Variants in ARHGAP32 observed in about 807,000 individuals in gnomAD.
ARHGAP32 encodes the protein rho GTPase-activating protein 32.
A neutral mutation model predicts 186.5 loss-of-function variants in ARHGAP32; 51 were observed. The ratio of observed to expected loss-of-function variants is 0.27; its 90% CI spans 0.22 to 0.35. ARHGAP32 has a LOEUF of 0.35. Ranked by LOEUF, ARHGAP32 falls within the 10% of genes least tolerant of loss-of-function variation. The pLI is 1.00. For missense variants in ARHGAP32, 2,186 were observed against 2,623.5 expected, an observed-to-expected ratio of 0.83 and a Z score of 3.64; for synonymous variants, 950 against 964.3, an observed-to-expected ratio of 0.99 and a Z score of 0.27.
At chr11:128,980,409 A>G (rs2276027) in intron 18 of ARHGAP32, 144 bp downstream of exon 18, 165,236 of 561,186 alleles carry the variant, frequency 0.29, 25,815 homozygotes, top group Middle Eastern at 0.38. Flanking sequence ...AGTATCATCC[A>G]TATTCGAATA....
At chr11:129,060,367 AGATAGATAGATAGAT>A (rs1394189877) in intron 10 of ARHGAP32, among the ~76,000 whole-genome samples, 3 of 146,282 alleles carry the variant, frequency 2.1e-5, no homozygotes, top group Admixed American at 6.8e-5. Flanking sequence ...ATAGATAGAT[AGATAGATAGATAGAT>A]AAGATAGACA....
intron 1 of ARHGAP32, among the ~76,000 whole-genome samples, chr11:129,212,384 TGTTTGTGATATATGCACATACAGAAA>T (rs1015501596): frequency 1.1e-4 from 17 of 152,150 alleles, no homozygotes; most frequent in African/African-American, 3.9e-4. Context: ...AAAATATTGG[TGTTTGTGATATATGCACATACAGAAA>T]GTTTTATTTC....
rs577024955 is a variant in ARHGAP32, at chr11:129,233,959, G to A, written c.-5+45187C>T. 1.9e-3 allele frequency among the ~76,000 whole-genome samples: 286 copies of A among 151,992 alleles called. 3 individuals carry two copies. Among genetic ancestry groups the A allele is most frequent in the African/African-American group, 6.6e-3 (274 of 41,486 alleles). On this transcript the variant is annotated intron_variant, in intron 1 of 6. Coordinates refer to the ARHGAP32 transcript ENST00000525234. ...GATAACTGTTACTTCTAGGTAAAAAGAAAGGAAAATAATATCAGGGGTTCA... is the reference window on the plus strand; with the variant it reads ...GATAACTGTTACTTCTAGGTAAAAAAAAAGGAAAATAATATCAGGGGTTCA...
intron 2 of ARHGAP32, among the ~76,000 whole-genome samples, chr11:129,161,662 A>G (rs1342462162): frequency 1.3e-5 from 2 of 152,196 alleles, no homozygotes; most frequent in Non-Finnish European, 2.9e-5. Flanking sequence ...GCTGGAGAGG[A>G]TGTGGAGAAA....
At chr11:129,245,807 T>C (rs1293161718) in intron 1 of ARHGAP32, among the ~76,000 whole-genome samples, 1 of 151,954 alleles carries the variant, frequency 6.6e-6, no homozygotes, top group East Asian at 1.9e-4. Context: ...TAATTCATTG[T>C]GTTAAATAAT....
At position 129,041,721 on chromosome 11, in the gene ARHGAP32, G is replaced by A. The variant is rs561703102; in HGVS notation, c.964-712C>T. Among the ~76,000 whole-genome samples the A allele has an allele frequency of 8.4e-4, 128 of 152,266 alleles. 3 individuals are homozygous for A. The highest frequency in any genetic ancestry group is 4.3e-4 in the African/African-American group (18 of 41,562). The stretch of plus-strand genomic sequence containing the variant: ...ATTGCTTTTGGCATTGTAACAAGCC[G>A]TATTAGGAAAATGCTGAGTTCCAGA... On this transcript the variant is annotated intron_variant, in intron 10 of 22. Coordinates refer to ENST00000682385, the MANE Select transcript of ARHGAP32 (RefSeq NM_001378024.1).
chr11:129,122,806 T>C (rs978844897), intron 5 of ARHGAP32, among the ~76,000 whole-genome samples: 2 of 152,060 alleles, frequency 1.3e-5, no homozygotes, highest in African/African-American at 4.8e-5. Context: ...TCAAGACTTT[T>C]TTTTCTATTA....
intron 1 of ARHGAP32, among the ~76,000 whole-genome samples, chr11:129,204,425 G>C (rs569821522): frequency 2.0e-5 from 3 of 151,908 alleles, no homozygotes; most frequent in African/African-American, 7.2e-5. Flanking sequence ...TATGCAAAAA[G>C]AAAAGAAAAA....
At chr11:129,059,221 C>G (rs938521677) in intron 10 of ARHGAP32, among the ~76,000 whole-genome samples, 1 of 152,242 alleles carries the variant, frequency 6.6e-6, no homozygotes, top group Non-Finnish European at 1.5e-5. Context: ...CTTCACTTAA[C>G]TGACTTAGCA....
chr11:129,086,808 G>C (rs760945916), intron 6 of ARHGAP32, among the ~76,000 whole-genome samples: 1 of 130,770 alleles, frequency 7.6e-6, no homozygotes, highest in Admixed American at 8.1e-5. Flanking sequence ...GCGACAGAGT[G>C]AGACTCCATC....
intron 6 of ARHGAP32, among the ~76,000 whole-genome samples, chr11:129,086,706 A>C (rs1256680354): frequency 6.6e-6 from 1 of 151,844 alleles, no homozygotes; most frequent in African/African-American, 2.4e-5. Flanking sequence ...CTGTAGTCCC[A>C]GCTACTCAGA....
chr11:129,194,321 A>G (rs1042044240), upstream of ARHGAP32, among the ~76,000 whole-genome samples: 1 of 152,182 alleles, frequency 6.6e-6, no homozygotes, highest in African/African-American at 2.4e-5. Flanking sequence ...TAGTAGCAAA[A>G]TAGGATAGCA....
At chr11:129,144,457 G>GA (rs982864275) in intron 2 of ARHGAP32, among the ~76,000 whole-genome samples, 1 of 152,088 alleles carries the variant, frequency 6.6e-6, no homozygotes, top group African/African-American at 2.4e-5. Context: ...TCACATATAA[G>GA]AAAACTCAAG....
At chr11:128,973,768 C>A in intron 21 of ARHGAP32, 1 of 510,626 alleles carries the variant, frequency 2.0e-6, no homozygotes. Context: ...ACAGTTTTTA[C>A]ATTTGATGGT....
intron 1 of ARHGAP32, among the ~76,000 whole-genome samples, chr11:129,170,475 C>G (rs1473594115): frequency 6.6e-6 from 1 of 152,164 alleles, no homozygotes; most frequent in Non-Finnish European, 1.5e-5. Flanking sequence ...ATGATGGCTT[C>G]CAGCTCTGTC....
chr11:129,230,859 G>A (rs1481063585), intron 1 of ARHGAP32, among the ~76,000 whole-genome samples: 1 of 152,094 alleles, frequency 6.6e-6, no homozygotes, highest in Admixed American at 6.6e-5. Context: ...TTTTGGCCAG[G>A]CACGGTGGCT....
At chr11:129,262,309 A>ATTT (rs1945331976) in intron 1 of ARHGAP32, among the ~76,000 whole-genome samples, 1 of 152,202 alleles carries the variant, frequency 6.6e-6, no homozygotes, top group Non-Finnish European at 1.5e-5. Context: ...AATAGGTAGT[A>ATTT]AATATCTACT....
intron 6 of ARHGAP32, among the ~76,000 whole-genome samples, chr11:129,091,099 G>C (rs116342127): frequency 0.011 from 1,728 of 152,106 alleles, 33 homozygotes; most frequent in African/African-American, 0.038. Context: ...AGGGAGTTGT[G>C]GGCTCACCAC....
chr11:129,007,536 G>A (rs1048415941), intron 11 of ARHGAP32, among the ~76,000 whole-genome samples: 1 of 151,980 alleles, frequency 6.6e-6, no homozygotes, highest in African/African-American at 2.4e-5. Context: ...TAGAATGGGG[G>A]CCTCACAACT....
Sources: allele counts gnomAD v4.1 joint callset (sites outside exome capture counted in the v4.1 genomes callset), GRCh38; gene constraint gnomAD v4.1.1; transcripts MANE v1.5; gene names NCBI Gene and HGNC (gene_info 2026-07-23, HGNC 2026-07-21).